Variants in RIMS1 observed in about 807,000 individuals in gnomAD.
The protein encoded by RIMS1 is regulating synaptic membrane exocytosis protein 1.
A neutral mutation model predicts 214.1 loss-of-function variants in RIMS1; 83 were observed. That is an observed-to-expected ratio of 0.39 (90% confidence interval 0.32 to 0.47). The LOEUF (loss-of-function observed/expected upper bound fraction) is 0.47. RIMS1 is among the 20% of genes least tolerant of loss of function. The probability of loss-of-function intolerance (pLI) is 0.99; values close to 1 mark genes in which losing one functional copy is unlikely to be tolerated. For missense variants in RIMS1, 2,050 were observed against 2,161.8 expected, an observed-to-expected ratio of 0.95 and a Z score of 1.03; for synonymous variants, 793 against 786.8, an observed-to-expected ratio of 1.01 and a Z score of -0.13.
intron 28 of RIMS1, among the ~76,000 whole-genome samples, chr6:72,323,844 T>C (rs368549435): frequency 5.1e-4 from 77 of 152,038 alleles, no homozygotes; most frequent in Middle Eastern, 3.4e-3. Flanking sequence ...ATAATATCTT[T>C]GGAGAAGCAA....
chr6:72,170,495 C>T (rs564009977), intron 4 of RIMS1, among the ~76,000 whole-genome samples: 162 of 152,234 alleles, frequency 1.1e-3, no homozygotes, highest in African/African-American at 3.7e-3. Flanking sequence ...AGGTGCCCAC[C>T]ACCACGCCTG....
chr6:72,341,272 A>G (rs546726383), intron 29 of RIMS1, among the ~76,000 whole-genome samples: 2 of 152,060 alleles, frequency 1.3e-5, no homozygotes, highest in Admixed American at 6.6e-5. Flanking sequence ...AATGCCCTTT[A>G]TTCCCTTCTC....
In RIMS1 at chr6:72,250,062, T is replaced by C. The variant is rs558439949; in HGVS notation, c.2242-268T>C. Among the ~76,000 whole-genome samples, 280 of 152,240 alleles carry C rather than the reference T, an allele frequency of 1.8e-3. 2 individuals carry two copies. Among genetic ancestry groups the C allele is most frequent in the African/African-American group, 6.2e-3 (259 of 41,564 alleles). Reference sequence around the variant, plus strand: ...TTCCCTTAGTTTTTTGGAAAAATTATTATTAGTTTTATTTTATAAAATGAT... The same window carrying C: ...TTCCCTTAGTTTTTTGGAAAAATTACTATTAGTTTTATTTTATAAAATGAT... On this transcript the variant is annotated intron_variant, in intron 12 of 33. Transcript: ENST00000521978.
At chr6:72,034,672 G>C (rs1254324772) in intron 2 of RIMS1, among the ~76,000 whole-genome samples, 1 of 151,946 alleles carries the variant, frequency 6.6e-6, no homozygotes, top group Non-Finnish European at 1.5e-5. Flanking sequence ...GGAGTTGCAA[G>C]AGATATTAAA....
Position 72,247,463 on chromosome 6 carries a change from A to G in RIMS1, c.2129-552A>G, listed in dbSNP as rs572725447. 2.1e-5 allele frequency among the ~76,000 whole-genome samples: 3 copies of G among 144,022 alleles called. No homozygotes were observed. The East Asian group carries it at 6.5e-4, about 31-fold the overall frequency. 94.5% of individuals were successfully genotyped at this position (144,022 alleles called of 152,430 possible). A position where few individuals can be genotyped will look rare whatever the true frequency, so the allele number is the denominator to read the frequency against. On this transcript the variant is annotated intron_variant, in intron 11 of 33. Coordinates refer to ENST00000521978, the MANE Select transcript of RIMS1 (RefSeq NM_014989.7). ...GGCAGAAGAATTGCTTGAACCTGCG[A>G]GGTGGAGGTTGCGGTGAGCCAAGAT...
chr6:72,344,951 G>C (rs375959628), intron 29 of RIMS1, among the ~76,000 whole-genome samples: 76 of 151,830 alleles, frequency 5.0e-4, no homozygotes, highest in Middle Eastern at 3.4e-3. Context: ...GTATTTCAGG[G>C]TTTGGAGGAG....
At chr6:72,175,983 C>A (rs1741540402) in intron 4 of RIMS1, among the ~76,000 whole-genome samples, 1 of 152,054 alleles carries the variant, frequency 6.6e-6, no homozygotes, top group African/African-American at 2.4e-5. Flanking sequence ...ATTAAAAATG[C>A]AGTTACAGCA....
At chr6:72,343,922 T>C (rs1199067546) in intron 29 of RIMS1, among the ~76,000 whole-genome samples, 2 of 151,738 alleles carry the variant, frequency 1.3e-5, no homozygotes, top group Non-Finnish European at 2.9e-5. Flanking sequence ...CTATCAAAAT[T>C]TTCCTTGTTC....
chr6:71,894,915 T>C (rs1356855371), intron 1 of RIMS1, among the ~76,000 whole-genome samples: 1 of 152,222 alleles, frequency 6.6e-6, no homozygotes, highest in Non-Finnish European at 1.5e-5. Context: ...TAGAAAATAA[T>C]ACCATGCTAA....
At chr6:71,949,651 C>G (rs1466160064) in intron 1 of RIMS1, among the ~76,000 whole-genome samples, 2 of 152,120 alleles carry the variant, frequency 1.3e-5, no homozygotes, top group African/African-American at 4.8e-5. Context: ...TTACTTAACT[C>G]AAATGGCTAT....
At chr6:72,079,707 G>A (rs2153767441) in intron 2 of RIMS1, among the ~76,000 whole-genome samples, 1 of 151,964 alleles carries the variant, frequency 6.6e-6, no homozygotes, top group East Asian at 1.9e-4. Context: ...AACATAGTGA[G>A]ACCCTGTATC....
At chr6:72,150,798 C>T (rs77079251) in intron 4 of RIMS1, among the ~76,000 whole-genome samples, 1 of 152,322 alleles carries the variant, frequency 6.6e-6, no homozygotes, top group Non-Finnish European at 1.5e-5. Context: ...GGCTTCCCCT[C>T]ATGCTCTTTT....
At chr6:72,389,141 G>A (rs1015495784) in intron 29 of RIMS1, among the ~76,000 whole-genome samples, 3 of 152,166 alleles carry the variant, frequency 2.0e-5, no homozygotes, top group Admixed American at 2.0e-4. Context: ...CAGCAGAAGA[G>A]ACTGGGAAGT....
chr6:72,084,291 T>C (rs907732432), intron 2 of RIMS1, among the ~76,000 whole-genome samples: 4 of 152,194 alleles, frequency 2.6e-5, no homozygotes, highest in African/African-American at 9.6e-5. Flanking sequence ...ATTAAGATTA[T>C]TTTCTTAAAA....
chr6:72,290,630 T>C (rs2093224705), intron 24 of RIMS1, 49 bp from the exon 25 acceptor site: 1 of 1,540,194 alleles, frequency 6.5e-7, no homozygotes, highest in Non-Finnish European at 8.9e-7. Flanking sequence ...GGTATCAAAG[T>C]TAATGTGAAC....
chr6:72,129,937 A>T (rs1298499920), intron 4 of RIMS1, among the ~76,000 whole-genome samples: 1 of 152,140 alleles, frequency 6.6e-6, no homozygotes, highest in African/African-American at 2.4e-5. Flanking sequence ...ATTGTGATGT[A>T]TGACTTTTCT....
At chr6:72,311,466 A>G (rs2095506723) in intron 27 of RIMS1, among the ~76,000 whole-genome samples, 1 of 152,206 alleles carries the variant, frequency 6.6e-6, no homozygotes, top group Non-Finnish European at 1.5e-5. Context: ...CTTTCAGTAC[A>G]TTGTCTTAAA....
In RIMS1 at chr6:72,270,311, TAGAAC is replaced by T. The variant is rs2082399959; in HGVS notation, c.3399-4034_3399-4030del. On this transcript the variant is annotated intron_variant, in intron 22 of 33. Transcript: ENST00000521978. ...ATATTTAAGGACTAAAATGAATAAT[TAGAAC>T]AGACAATAAAAATACATATGTGTGT... Among the ~76,000 whole-genome samples the T allele has an allele frequency of 2.0e-5, 3 of 152,326 alleles. No homozygotes were observed. The South Asian group carries it at 6.2e-4, about 32-fold the overall frequency.
chr6:71,904,604 C>G (rs925176759), intron 1 of RIMS1, among the ~76,000 whole-genome samples: 1 of 152,124 alleles, frequency 6.6e-6, no homozygotes, highest in Non-Finnish European at 1.5e-5. Flanking sequence ...AGCATCCACT[C>G]ACTGATTTTA....
Sources: gnomAD v4.1 joint callset for allele counts (sites outside exome capture counted in the v4.1 genomes callset) on GRCh38, gnomAD v4.1.1 for gene constraint, MANE v1.5 for transcripts, NCBI Gene and HGNC (gene_info 2026-07-23, HGNC 2026-07-21) for gene names.